Variants in EML1 observed in about 807,000 individuals in gnomAD.
EML1 encodes EMAP like 1, also known as echinoderm microtubule-associated protein-like 1.
In EML1, 27 loss-of-function variants were observed where a neutral mutation model predicts 110.4. The ratio of observed to expected loss-of-function variants is 0.24; its 90% confidence interval spans 0.18 to 0.34. The LOEUF is 0.34. EML1 is among the 10% of genes least tolerant of loss of function. EML1 has a pLI of 1.00. For missense variants in EML1, 741 were observed against 1,030.9 expected, an observed-to-expected ratio of 0.72 and a Z score of 3.85; for synonymous variants, 344 against 385.8, an observed-to-expected ratio of 0.89 and a Z score of 1.27.
At position 99,939,184 on chromosome 14, in the gene EML1, G is replaced by C; in HGVS notation, c.2192-13G>C. 6.2e-7 allele frequency: 1 copy of C among 1,613,706 alleles called. No homozygotes were observed. Among genetic ancestry groups the C allele is most frequent in the South Asian group, 1.1e-5 (1 of 91,054 alleles). On this transcript the variant is annotated splice_polypyrimidine_tract_variant and intron_variant, in intron 20 of 21. Coordinates refer to ENST00000262233, the MANE Select transcript of EML1 (RefSeq NM_004434.3). The surrounding 1 kb of genome is among the most constrained non-coding windows in gnomAD (Gnocchi z 4.2). ...TGGTGTTTCCAGCGCCCTGTTTGTG[G>C]TCTTTGTTTTAGGAGTGTGGCCAGA...
upstream of EML1, among the ~76,000 whole-genome samples, chr14:99,768,775 T>C (rs1566856584): frequency 6.6e-6 from 1 of 151,210 alleles, no homozygotes; most frequent in South Asian, 2.1e-4. Flanking sequence ...TGGAGGGCAG[T>C]GGCACAATCT....
At chr14:99,885,488 A>G (rs1191109) in intron 4 of EML1, among the ~76,000 whole-genome samples, 80,955 of 152,086 alleles carry the variant, frequency 0.53, 22,573 homozygotes, top group East Asian at 0.87. Flanking sequence ...ACCCGTGTCT[A>G]GCCCATGACT....
upstream of EML1, among the ~76,000 whole-genome samples, chr14:99,789,788 C>T (rs534570551): frequency 5.9e-5 from 9 of 152,320 alleles, no homozygotes; most frequent in South Asian, 1.9e-3. Flanking sequence ...GCTATTAATT[C>T]CACTGAACAC....
At chr14:99,838,301 TTTA>T (rs138298829) in intron 1 of EML1, among the ~76,000 whole-genome samples, 12,907 of 152,154 alleles carry the variant, frequency 0.085, 1,857 homozygotes, top group African/African-American at 0.3. Flanking sequence ...TAGCTTTTAT[TTTA>T]TTCTTTTTGC....
At chr14:99,786,852 A>T (rs1165026329) in intron 1 of EML1, among the ~76,000 whole-genome samples, 1 of 152,204 alleles carries the variant, frequency 6.6e-6, no homozygotes, top group Non-Finnish European at 1.5e-5. Flanking sequence ...GGAGTAATGA[A>T]GCAGGGCTGG....
At chr14:99,835,596 G>A (rs575511224) in intron 1 of EML1, among the ~76,000 whole-genome samples, 48 of 152,122 alleles carry the variant, frequency 3.2e-4, no homozygotes, top group African/African-American at 1.1e-3. Flanking sequence ...TTCTAATGTC[G>A]ATGTTGGGTG....
At chr14:99,799,981 T>A (rs1177873370) in intron 1 of EML1, among the ~76,000 whole-genome samples, 1 of 152,218 alleles carries the variant, frequency 6.6e-6, no homozygotes, top group Non-Finnish European at 1.5e-5. Flanking sequence ...TTACAAAAAT[T>A]TCTTTCAGGA....
intron 2 of EML1, among the ~76,000 whole-genome samples, chr14:99,864,818 A>AAG (rs2059065972): frequency 6.6e-6 from 1 of 151,806 alleles, no homozygotes; most frequent in African/African-American, 2.4e-5. Flanking sequence ...AAAAAAAAAA[A>AAG]AAAAAAGAAA....
chr14:99,843,993 C>G (rs2058670151), intron 1 of EML1, among the ~76,000 whole-genome samples: 1 of 152,212 alleles, frequency 6.6e-6, no homozygotes. Flanking sequence ...GATTTTCTTT[C>G]CCTCCTATCC....
In EML1 at chr14:99,784,118, T is replaced by C. The variant is rs541162559; in HGVS notation, c.-27+10105T>C. 1.4e-4 allele frequency among the ~76,000 whole-genome samples: 22 copies of C among 152,264 alleles called. No homozygotes were observed. In the South Asian group the frequency reaches 4.6e-3, roughly 32 times the overall value. On this transcript the variant is annotated intron_variant, in intron 1 of 22. Transcript: ENST00000327921. The surrounding 1 kb of genome is among the most constrained non-coding windows in gnomAD (Gnocchi z 4.5). ...TCTTCTTTTTTTTTTTGAGATAGGA[T>C]CTTGCTCTGTCGCCCAGGCTGGAGT...
chr14:99,788,837 C>T (rs1254910339), upstream of EML1, among the ~76,000 whole-genome samples: 2 of 152,180 alleles, frequency 1.3e-5, no homozygotes, highest in East Asian at 3.8e-4. Flanking sequence ...CTCCCCAGCC[C>T]TTGGCAACCA....
chr14:99,879,829 T>C (rs1442351141), intron 4 of EML1, among the ~76,000 whole-genome samples: 1 of 152,172 alleles, frequency 6.6e-6, no homozygotes, highest in Non-Finnish European at 1.5e-5. Context: ...CAAAGCTTCT[T>C]TGAATTCAGG....
At chr14:99,825,362 G>A (rs1253100340) in intron 1 of EML1, among the ~76,000 whole-genome samples, 1 of 152,150 alleles carries the variant, frequency 6.6e-6, no homozygotes, top group African/African-American at 2.4e-5. Flanking sequence ...GAATAGTGCT[G>A]TGATGAACAT....
intron 4 of EML1, among the ~76,000 whole-genome samples, chr14:99,889,768 T>C (rs1444835587): frequency 6.6e-6 from 1 of 152,192 alleles, no homozygotes; most frequent in Admixed American, 6.5e-5. Flanking sequence ...GCAGATTGGA[T>C]AGGGCCTTGT....
At chr14:99,885,135 A>G (rs1376506075) in intron 4 of EML1, among the ~76,000 whole-genome samples, 1 of 152,224 alleles carries the variant, frequency 6.6e-6, no homozygotes, top group Non-Finnish European at 1.5e-5. Flanking sequence ...GGTGAACATG[A>G]GTGCTCAATA....
chr14:99,913,133 A>C (rs2059972654), intron 13 of EML1, among the ~76,000 whole-genome samples: 1 of 150,454 alleles, frequency 6.6e-6, no homozygotes, highest in Non-Finnish European at 1.5e-5. Context: ...ATTGCCAAAG[A>C]ACTTACCATT....
chr14:99,877,792 C>G (rs192224738), intron 3 of EML1, among the ~76,000 whole-genome samples: 1 of 152,192 alleles, frequency 6.6e-6, no homozygotes, highest in Non-Finnish European at 1.5e-5. Flanking sequence ...TGAGCCATCC[C>G]GGGCCATGCA....
At chr14:99,931,522 C>A (rs780103329) in intron 17 of EML1, among the ~76,000 whole-genome samples, 4 of 152,138 alleles carry the variant, frequency 2.6e-5, no homozygotes, top group East Asian at 1.9e-4. Context: ...ACTCTTGCTC[C>A]CGTGGCTTTA....
intron 2 of EML1, among the ~76,000 whole-genome samples, chr14:99,863,068 T>C (rs1258582995): frequency 6.6e-6 from 1 of 152,136 alleles, no homozygotes; most frequent in East Asian, 1.9e-4. Context: ...ATCCATCACC[T>C]CCCTCTCCAA....
Sources: gnomAD v4.1 joint callset for allele counts (sites outside exome capture counted in the v4.1 genomes callset) on GRCh38, gnomAD v4.1.1 for gene constraint, Gnocchi (gnomAD v3.1) non-coding constraint, MANE v1.5 for transcripts, NCBI Gene and HGNC (gene_info 2026-07-23, HGNC 2026-07-21) for gene names.